Variants in NLGN4X observed in about 807,000 individuals in gnomAD.
The protein encoded by NLGN4X is neuroligin-4, X-linked.
In NLGN4X, 3 loss-of-function variants were observed where a neutral mutation model predicts 40.3. The ratio of observed to expected loss-of-function variants is 0.07; its 90% CI spans 0.03 to 0.19. NLGN4X has a LOEUF of 0.19. Among genes scored for constraint, NLGN4X ranks in the 10% least tolerant of loss-of-function variants. The pLI, the probability that NLGN4X is intolerant of heterozygous loss-of-function variation, is 1.00. For synonymous variants in NLGN4X, 270 were observed against 306.8 expected, an observed-to-expected ratio of 0.88 and a Z score of 1.25; for missense variants, 382 against 708.3, an observed-to-expected ratio of 0.54 and a Z score of 5.23.
intron 3 of NLGN4X, among the ~76,000 whole-genome samples, chrX:5,921,132 T>TA (rs2146815395): frequency 3.2e-5 from 2 of 62,843 alleles, no homozygotes; most frequent in African/African-American, 1.6e-4. Context: ...GTAAGTATTT[T>TA]TTATATATAT....
chrX:6,094,687 T>C (rs888450371), intron 2 of NLGN4X, among the ~76,000 whole-genome samples: 1 of 111,604 alleles, frequency 9.0e-6, no homozygotes, highest in South Asian at 3.8e-4. Flanking sequence ...CTCAAATATT[T>C]CTACAAATGA....
intron 3 of NLGN4X, among the ~76,000 whole-genome samples, chrX:6,007,118 C>A (rs1358505864): frequency 9.0e-6 from 1 of 111,729 alleles, no homozygotes; most frequent in Non-Finnish European, 1.9e-5. Flanking sequence ...CCATGGAATA[C>A]AACTCAGTAG....
intron 1 of NLGN4X, among the ~76,000 whole-genome samples, chrX:6,215,238 G>C (rs1291787248): frequency 8.9e-6 from 1 of 111,889 alleles, no homozygotes; most frequent in Non-Finnish European, 1.9e-5. Context: ...TCATTGCAGG[G>C]ATAGTGTTTA....
rs756740649 is a variant in NLGN4X at position 5,899,153 on chromosome X, A to G, written c.1601+3924T>C. Among the ~76,000 whole-genome samples the G allele has an allele frequency of 2.7e-5, 3 of 112,423 alleles. No homozygotes were observed. The East Asian group carries it at 8.4e-4, about 32-fold the overall frequency. ...TAAGTTCTGAGTAACTTCCTTGAGG[A>G]ATCATTTGAGTCATTCTAATACCTT... On this transcript the variant is annotated intron_variant, in intron 5 of 5. Coordinates refer to ENST00000381095, the MANE Select transcript of NLGN4X (RefSeq NM_181332.3).
chrX:5,943,820 T>C (rs1321087891), intron 3 of NLGN4X, among the ~76,000 whole-genome samples: 2 of 112,572 alleles, frequency 1.8e-5, no homozygotes, highest in Non-Finnish European at 3.7e-5. Flanking sequence ...CTTGTTACTC[T>C]ATGCCTAACT....
At chrX:5,961,121 C>T (rs751432932) in intron 3 of NLGN4X, among the ~76,000 whole-genome samples, 2 of 111,254 alleles carry the variant, frequency 1.8e-5, no homozygotes, top group South Asian at 3.8e-4. Flanking sequence ...TCCGCCTTCC[C>T]GGGTTCACGC....
intron 3 of NLGN4X, among the ~76,000 whole-genome samples, chrX:5,950,964 T>C (rs2034290490): frequency 8.9e-6 from 1 of 112,275 alleles, no homozygotes; most frequent in East Asian, 2.8e-4. Context: ...TTTATTGCTT[T>C]TCTCTTGAAC....
intron 1 of NLGN4X, among the ~76,000 whole-genome samples, chrX:6,225,084 C>T (rs1926091839): frequency 1.0e-5 from 1 of 97,868 alleles, no homozygotes. Flanking sequence ...TACACACACA[C>T]GCATTCTACA....
At chrX:6,172,186 C>T (rs1036134788) in intron 1 of NLGN4X, among the ~76,000 whole-genome samples, 31 of 111,988 alleles carry the variant, frequency 2.8e-4, no homozygotes, top group African/African-American at 8.4e-4. Flanking sequence ...CCTCCAAGCT[C>T]TTAGGATCTT....
chrX:5,943,621 T>C (rs1158524934), intron 3 of NLGN4X, among the ~76,000 whole-genome samples: 1 of 112,363 alleles, frequency 8.9e-6, no homozygotes, highest in African/African-American at 3.2e-5. Context: ...AAAATATGCT[T>C]ACATGAAGTC....
chrX:6,171,174 G>GA (rs2040598505), intron 1 of NLGN4X, among the ~76,000 whole-genome samples: 1 of 112,021 alleles, frequency 8.9e-6, no homozygotes, highest in Non-Finnish European at 1.9e-5. Flanking sequence ...ACTCCTGAAT[G>GA]AAGCATTCTA....
chrX:6,158,613 G>A lies in NLGN4X; in HGVS notation c.-305-6842C>T, dbSNP rs141901352. Among the ~76,000 whole-genome samples the A allele has an allele frequency of 1.6e-4, 18 of 112,376 alleles. No homozygotes were observed. The East Asian group carries it at 3.3e-3, about 21-fold the overall frequency. On this transcript the variant is annotated intron_variant, in intron 1 of 5. Transcript: ENST00000381095. The stretch of plus-strand genomic sequence containing the variant: ...CTCCCATGCATCAGGAAACATGCAC[G>A]GAAATGTCCACTGCAGCCCCATTTT...
At chrX:6,037,850 C>A in intron 2 of NLGN4X, among the ~76,000 whole-genome samples, 1 of 111,422 alleles carries the variant, frequency 9.0e-6, no homozygotes, top group Admixed American at 9.5e-5. Context: ...GTAATATGGG[C>A]TTAATCTTCT....
intron 3 of NLGN4X, among the ~76,000 whole-genome samples, chrX:5,966,517 T>G (rs2034838715): frequency 8.9e-6 from 1 of 112,836 alleles, no homozygotes; most frequent in South Asian, 3.6e-4. Context: ...ATATGTAGAA[T>G]AGTCAATGAC....
chrX:5,937,082 G>A (rs781776991), intron 3 of NLGN4X, among the ~76,000 whole-genome samples: 22 of 110,227 alleles, frequency 2.0e-4, no homozygotes, highest in Non-Finnish European at 4.2e-4. Context: ...ATAGTTGAAT[G>A]AATTTTTTTT....
chrX:5,918,072 T>C lies in NLGN4X; in HGVS notation c.626-8833A>G, dbSNP rs531092590. ...CATTCAACAATGTATGAAGTAGCCA[T>C]GATGACCCAAGCAAAATCTGGGGGA... On this transcript the variant is annotated intron_variant, in intron 3 of 5. Coordinates refer to ENST00000381095, the MANE Select transcript of NLGN4X (RefSeq NM_181332.3). 7.2e-5 allele frequency among the ~76,000 whole-genome samples: 8 copies of C among 111,677 alleles called. No homozygotes were observed. The South Asian group carries it at 3.0e-3, about 42-fold the overall frequency.
rs768152013 is a variant in NLGN4X, at chrX:6,029,313, C to T, written c.592G>A (p.Val198Met). 2 of 1,211,110 alleles carry T rather than the reference C, an allele frequency of 1.7e-6. No individual in the cohort carries two copies. Among genetic ancestry groups the T allele is most frequent in the Admixed American group, 2.2e-5 (1 of 45,966 alleles). Residue 198 changes from valine (V) to methionine (M), a missense_variant, in exon 3 of 6, where the codon GTG (valine) becomes ATG (methionine). Val to Met is a conservative substitution (Grantham distance 21). This residue lies in a region of NLGN4X where 32 missense variants were observed against 85.2 expected (regional missense o/e 0.38). Coordinates refer to ENST00000381095, the MANE Select transcript of NLGN4X (RefSeq NM_181332.3). ...SILASYGNVI[V>M]ITINYRLGIL... Reference sequence around the variant, plus strand: ...CCCAGACGGTAGTTAATGGTGATCACGATGACGTTTCCGTAGCTTGCCAAA... The same window carrying T: ...CCCAGACGGTAGTTAATGGTGATCATGATGACGTTTCCGTAGCTTGCCAAA...
chrX:6,155,729 T>C (rs907903557), intron 1 of NLGN4X, among the ~76,000 whole-genome samples: 3 of 112,558 alleles, frequency 2.7e-5, no homozygotes, highest in African/African-American at 9.7e-5. Context: ...TTTTGTCAAA[T>C]CTTAAGAGTT....
At chrX:6,179,605 T>A (rs1285354983) in intron 1 of NLGN4X, among the ~76,000 whole-genome samples, 2 of 112,115 alleles carry the variant, frequency 1.8e-5, no homozygotes, top group African/African-American at 6.5e-5. Flanking sequence ...ATTGGATGAG[T>A]GTGTGCTGAC....
Sources: gnomAD v4.1 joint callset for allele counts (sites outside exome capture counted in the v4.1 genomes callset) on GRCh38, gnomAD v4.1.1 for gene constraint, gnomAD v4.1.1 regional missense constraint, MANE v1.5 for transcripts, NCBI Gene and HGNC (gene_info 2026-07-23, HGNC 2026-07-21) for gene names.